SFT2D1: variants seen among roughly 807,000 people sequenced by gnomAD.
SFT2D1 encodes vesicle transport protein SFT2A.
In SFT2D1, 24 loss-of-function variants were observed where a neutral mutation model predicts 28.1. The observed-to-expected ratio is 0.85, with a 90% CI of 0.62 to 1.20. The LOEUF is 1.20. Ranked by LOEUF, SFT2D1 falls within the 50% of genes most tolerant of loss-of-function variation. SFT2D1 has a pLI of 0.00. For missense variants in SFT2D1, 181 were observed against 190.9 expected, an observed-to-expected ratio of 0.95 and a Z score of 0.31; for synonymous variants, 82 against 73.7, an observed-to-expected ratio of 1.11 and a Z score of -0.58.
chr6:166,338,164 A>T (rs773532865), intron 1 of SFT2D1, among the ~76,000 whole-genome samples: 1 of 152,206 alleles, frequency 6.6e-6, no homozygotes, highest in Non-Finnish European at 1.5e-5. Flanking sequence ...CATCTCGCAA[A>T]TTGTCAGCAG....
Position 166,324,550 on chromosome 6 carries a change from A to AGAACT in SFT2D1, c.392_396dup (p.Leu133SerfsTer5). On this transcript the variant is annotated frameshift_variant, in exon 6 of 8. Transcript: ENST00000361731. LOFTEE classifies it high-confidence loss of function. ...GGAAAGACTTACCAGGTCATTGACA[A>AGAACT]GAACTGCAATATGCAGAATAACACA... 1 of 1,612,526 alleles carries AGAACT rather than the reference A, an allele frequency of 6.2e-7. No homozygotes were observed. Among genetic ancestry groups the AGAACT allele is most frequent in the South Asian group, 1.1e-5 (1 of 90,724 alleles).
intron 3 of SFT2D1, 142 bp downstream of exon 3, chr6:166,329,365 A>G (rs1287803659): frequency 3.1e-6 from 2 of 647,794 alleles, no homozygotes; most frequent in Non-Finnish European, 5.3e-6. Context: ...CAGTCAATAC[A>G]TATTTATTTA....
intron 1 of SFT2D1, among the ~76,000 whole-genome samples, chr6:166,338,378 A>G (rs908275759): frequency 3.3e-5 from 5 of 152,320 alleles, no homozygotes; most frequent in Admixed American, 2.0e-4. Context: ...TTCTACATAC[A>G]CAGAAAGGAA....
At chr6:166,321,425 T>C (rs1444274935) in intron 7 of SFT2D1, among the ~76,000 whole-genome samples, 1 of 152,172 alleles carries the variant, frequency 6.6e-6, no homozygotes, top group Non-Finnish European at 1.5e-5. Context: ...CTAGAGGTCC[T>C]TTCCTCCGCA....
intron 1 of SFT2D1, among the ~76,000 whole-genome samples, chr6:166,330,721 G>A (rs1433653141): frequency 6.6e-6 from 1 of 152,234 alleles, no homozygotes; most frequent in Non-Finnish European, 1.5e-5. Flanking sequence ...GTGCATCCGA[G>A]TGCATCCGCA....
chr6:166,320,484 T>C (rs1471605931), intron 7 of SFT2D1, among the ~76,000 whole-genome samples: 4 of 152,182 alleles, frequency 2.6e-5, no homozygotes, highest in African/African-American at 9.7e-5. Context: ...TTTACTGGCA[T>C]ATACACTGAT....
intron 1 of SFT2D1, among the ~76,000 whole-genome samples, chr6:166,337,381 A>G (rs1384209926): frequency 6.6e-6 from 1 of 152,200 alleles, no homozygotes; most frequent in Non-Finnish European, 1.5e-5. Context: ...TTTTTGAAGC[A>G]TCAGTATCCT....
intron 1 of SFT2D1, among the ~76,000 whole-genome samples, chr6:166,334,158 G>C (rs1032428351): frequency 5.3e-5 from 8 of 152,166 alleles, no homozygotes; most frequent in African/African-American, 1.9e-4. Context: ...TCCAGCCTCT[G>C]TACACTCATA....
intron 2 of SFT2D1, 103 bp from the exon 3 acceptor site, chr6:166,329,692 G>T: frequency 1.1e-6 from 1 of 902,802 alleles, no homozygotes; most frequent in Non-Finnish European, 1.6e-6. Context: ...TATGTAATAT[G>T]TTTAAATACA....
chr6:166,331,513 T>C (rs1423611225), intron 1 of SFT2D1: 1 of 152,686 alleles, frequency 6.5e-6, no homozygotes, highest in South Asian at 2.1e-4. Context: ...ATTCACATTC[T>C]TGTTTCCAGC....
At chr6:166,339,636 C>T (rs113465457) in intron 1 of SFT2D1, among the ~76,000 whole-genome samples, 37 of 152,228 alleles carry the variant, frequency 2.4e-4, no homozygotes, top group African/African-American at 3.6e-4. Context: ...ATAACCTCCA[C>T]GGGTAATCTG....
chr6:166,335,162 G>C (rs914955216), intron 1 of SFT2D1: 2 of 618,614 alleles, frequency 3.2e-6, no homozygotes, highest in African/African-American at 1.8e-5. Context: ...AGAGGTCGAA[G>C]TGCTTCTGGA....
intron 1 of SFT2D1, among the ~76,000 whole-genome samples, chr6:166,342,202 G>C (rs566304943): frequency 6.6e-6 from 1 of 151,994 alleles, no homozygotes; most frequent in East Asian, 1.9e-4. Context: ...GGGAGAGTCG[G>C]GGGGGGGCCT....
chr6:166,322,618 G>C (rs2114889076), intron 7 of SFT2D1, among the ~76,000 whole-genome samples: 1 of 147,804 alleles, frequency 6.8e-6, no homozygotes, highest in Admixed American at 6.8e-5. Flanking sequence ...TTGAACCCAG[G>C]AGGCAGAGAT....
chr6:166,337,231 T>C (rs1251374888), intron 1 of SFT2D1, among the ~76,000 whole-genome samples: 1 of 152,176 alleles, frequency 6.6e-6, no homozygotes, highest in Non-Finnish European at 1.5e-5. Context: ...TCTGAGGCTG[T>C]AGGAGTAGAC....
chr6:166,339,773 G>T (rs1445607188), intron 1 of SFT2D1, among the ~76,000 whole-genome samples: 2 of 152,136 alleles, frequency 1.3e-5, no homozygotes, highest in Non-Finnish European at 1.5e-5. Flanking sequence ...ACGCCTCTCA[G>T]CTGTCTTTGC....
At chr6:166,337,076 C>T (rs1031022315) in intron 1 of SFT2D1, among the ~76,000 whole-genome samples, 2 of 152,226 alleles carry the variant, frequency 1.3e-5, no homozygotes, top group African/African-American at 4.8e-5. Context: ...CCGGGGAAAG[C>T]TCCCTCTGCA....
chr6:166,322,905 C>T lies in SFT2D1; in HGVS notation c.411-19G>A, dbSNP rs755117497. On this transcript the variant is annotated intron_variant, in intron 6 of 7. Transcript: ENST00000361731. ...GCTATACCTGCAAGAAATATTCAAG[C>T]ATGTTGAATCTTCATCTGAATGATG... 5.6e-6 allele frequency: 9 copies of T among 1,602,878 alleles called. No homozygotes were observed. In the East Asian group the frequency reaches 1.8e-4, roughly 32 times the overall value.
intron 1 of SFT2D1, 111 bp from the exon 2 acceptor site, chr6:166,330,358 CA>C: frequency 1.4e-6 from 1 of 705,838 alleles, no homozygotes; most frequent in Non-Finnish European, 2.4e-6. Flanking sequence ...ATTTATTTTG[CA>C]TATCACAGTG....
Sources: allele counts gnomAD v4.1 joint callset (sites outside exome capture counted in the v4.1 genomes callset), GRCh38; gene constraint gnomAD v4.1.1; transcripts MANE v1.5; gene names NCBI Gene and HGNC (gene_info 2026-07-23, HGNC 2026-07-21).